Variants in R3HDM1 observed in about 807,000 individuals in gnomAD.
R3HDM1 encodes R3H domain-containing protein 1.
In R3HDM1, 46 loss-of-function variants were observed where a neutral mutation model predicts 141.1. That is an observed-to-expected ratio of 0.33 (90% confidence interval 0.26 to 0.42). The LOEUF (loss-of-function observed/expected upper bound fraction) is 0.42, where lower values mean the gene tolerates loss of function less well. Ranked by LOEUF, R3HDM1 falls within the 10% of genes least tolerant of loss-of-function variation. The pLI, the probability that R3HDM1 is intolerant of heterozygous loss-of-function variation, is 1.00. For synonymous variants in R3HDM1, 435 were observed against 472.9 expected (o/e 0.92, Z 1.04); for missense variants, 1,184 against 1,368.3 (o/e 0.87, Z 2.12).
intron 1 of R3HDM1, among the ~76,000 whole-genome samples, chr2:135,558,326 G>A (rs1392868422): frequency 2.0e-5 from 3 of 152,178 alleles, no homozygotes; most frequent in African/African-American, 7.2e-5. Flanking sequence ...GCTGTATGTG[G>A]CTGGTAGCTA....
At chr2:135,642,530 A>T (rs999130334) in intron 15 of R3HDM1, among the ~76,000 whole-genome samples, 1 of 152,216 alleles carries the variant, frequency 6.6e-6, no homozygotes, top group East Asian at 1.9e-4. Context: ...AAAATGATTT[A>T]TATAGAAAAA....
At chr2:135,539,652 A>G (rs1697038809) in intron 1 of R3HDM1, among the ~76,000 whole-genome samples, 1 of 152,062 alleles carries the variant, frequency 6.6e-6, no homozygotes, top group African/African-American at 2.4e-5. Flanking sequence ...TTTACTACTG[A>G]TGTTATCATT....
chr2:135,557,846 C>T (rs1701070918), intron 1 of R3HDM1, among the ~76,000 whole-genome samples: 1 of 151,990 alleles, frequency 6.6e-6, no homozygotes, highest in Admixed American at 6.6e-5. Context: ...ACAAGGTATT[C>T]AAGAGACAAA....
intron 19 of R3HDM1, among the ~76,000 whole-genome samples, chr2:135,661,726 A>G (rs1397106829): frequency 6.6e-6 from 1 of 152,218 alleles, no homozygotes; most frequent in Non-Finnish European, 1.5e-5. Context: ...AAAGAGAGGC[A>G]AGGCGAGGCA....
intron 19 of R3HDM1, among the ~76,000 whole-genome samples, chr2:135,668,648 C>T (rs1362194413): frequency 6.6e-6 from 1 of 152,174 alleles, no homozygotes; most frequent in Non-Finnish European, 1.5e-5. Flanking sequence ...AAATGCTACT[C>T]AGTGGATGGA....
At chr2:135,703,845 C>G (rs2074543434) in intron 21 of R3HDM1, among the ~76,000 whole-genome samples, 1 of 152,032 alleles carries the variant, frequency 6.6e-6, no homozygotes, top group African/African-American at 2.4e-5. Context: ...TATATATACC[C>G]TCACCACAAA....
chr2:135,615,465 A>G (rs1476650825), intron 3 of R3HDM1, among the ~76,000 whole-genome samples: 2 of 152,122 alleles, frequency 1.3e-5, no homozygotes, highest in Non-Finnish European at 2.9e-5. Context: ...TGGTTTCCCA[A>G]ACCAAAGCTT....
At chr2:135,588,172 A>G (rs992034468) in intron 1 of R3HDM1, among the ~76,000 whole-genome samples, 1 of 149,084 alleles carries the variant, frequency 6.7e-6, no homozygotes, top group African/African-American at 2.5e-5. Context: ...TTGCTTTCCC[A>G]CTGTGTCTTG....
intron 16 of R3HDM1, among the ~76,000 whole-genome samples, chr2:135,649,631 C>A (rs1355515386): frequency 1.3e-5 from 2 of 152,028 alleles, no homozygotes; most frequent in African/African-American, 2.4e-5. Context: ...GTCACCTGTT[C>A]CCGTTAATCT....
intron 1 of R3HDM1, among the ~76,000 whole-genome samples, chr2:135,563,991 C>T (rs1350063441): frequency 4.6e-5 from 7 of 152,022 alleles, no homozygotes; most frequent in African/African-American, 1.5e-4. Context: ...AGTGGGGAGG[C>T]GCCGCATGAA....
chr2:135,533,101 T>C (rs1463892753), intron 1 of R3HDM1, among the ~76,000 whole-genome samples: 1 of 152,130 alleles, frequency 6.6e-6, no homozygotes, highest in South Asian at 2.1e-4. Context: ...AGTTACAGAA[T>C]TGACATAGAT....
At chr2:135,557,897 A>G (rs1055993878) in intron 1 of R3HDM1, among the ~76,000 whole-genome samples, 45 of 152,310 alleles carry the variant, frequency 3.0e-4, no homozygotes, top group Non-Finnish European at 4.6e-4. Flanking sequence ...TACATTGAAC[A>G]AAAAACATGG....
At chr2:135,555,875 G>T (rs1478107504) in intron 1 of R3HDM1, among the ~76,000 whole-genome samples, 2 of 152,124 alleles carry the variant, frequency 1.3e-5, no homozygotes, top group African/African-American at 4.8e-5. Flanking sequence ...AATTAGCTGG[G>T]CATGGTGGCA....
At chr2:135,695,062 C>A (rs185972594) in intron 21 of R3HDM1, among the ~76,000 whole-genome samples, 1 of 152,140 alleles carries the variant, frequency 6.6e-6, no homozygotes, top group Non-Finnish European at 1.5e-5. Context: ...GCCCGCCCCC[C>A]AAAAGCATTT....
intron 1 of R3HDM1, among the ~76,000 whole-genome samples, chr2:135,537,668 TTTATTTTAC>T (rs1344445017): frequency 6.2e-5 from 9 of 144,884 alleles, no homozygotes; most frequent in African/African-American, 1.9e-4. Context: ...TTTATTTTAT[TTTATTTTAC>T]TTAGAGTCTC....
At chr2:135,535,695 A>G (rs574758870) in intron 1 of R3HDM1, among the ~76,000 whole-genome samples, 4 of 152,130 alleles carry the variant, frequency 2.6e-5, no homozygotes, top group Non-Finnish European at 5.9e-5. Context: ...TCGTATAATT[A>G]AACAAAATTT....
At chr2:135,624,930 A>C (rs1437519564) in intron 7 of R3HDM1, among the ~76,000 whole-genome samples, 1 of 152,218 alleles carries the variant, frequency 6.6e-6, no homozygotes, top group Non-Finnish European at 1.5e-5. Flanking sequence ...CCAAGTACTA[A>C]AGATAGCAAA....
intron 16 of R3HDM1, among the ~76,000 whole-genome samples, chr2:135,646,708 G>T (rs1199306269): frequency 1.3e-5 from 2 of 151,600 alleles, no homozygotes; most frequent in Non-Finnish European, 2.9e-5. Flanking sequence ...AATTAGTCGG[G>T]TGTGGTGGTA....
chr2:135,667,105 A>G, intron 19 of R3HDM1: 1 of 917,958 alleles, frequency 1.1e-6, no homozygotes. Context: ...TTTCCTTTAG[A>G]ACAAATGCTA....
Sources: gnomAD v4.1 joint callset for allele counts (sites outside exome capture counted in the v4.1 genomes callset) on GRCh38, gnomAD v4.1.1 for gene constraint, MANE v1.5 for transcripts, NCBI Gene and HGNC (gene_info 2026-07-23, HGNC 2026-07-21) for gene names.